The following RORA variants were observed in gnomAD, a reference collection of about 807,000 sequenced individuals.
RORA encodes nuclear receptor ROR-alpha.
RORA carries 7 observed loss-of-function variants against 69.5 expected under a neutral mutation model. That is an observed-to-expected ratio of 0.10 (90% CI 0.06 to 0.19). RORA has a LOEUF of 0.19. Among genes scored for constraint, RORA ranks in the 10% least tolerant of loss-of-function variants. RORA has a pLI of 1.00. For missense variants in RORA, 457 were observed against 663.0 expected (o/e 0.69, Z 3.41); for synonymous variants, 261 against 240.8 (o/e 1.08, Z -0.78).
At chr15:60,869,816 G>A (rs1043279587) in intron 1 of RORA, among the ~76,000 whole-genome samples, 1 of 152,170 alleles carries the variant, frequency 6.6e-6, no homozygotes, top group South Asian at 2.1e-4. Flanking sequence ...GCCCTGACAC[G>A]TTTTGCCATC....
intron 1 of RORA, among the ~76,000 whole-genome samples, chr15:60,849,586 C>T (rs759284178): frequency 9.9e-5 from 15 of 152,132 alleles, no homozygotes; most frequent in Non-Finnish European, 2.2e-4. Flanking sequence ...ATTGTTGGGG[C>T]CAAACGAGTG....
chr15:60,692,775 T>C (rs1238667291), intron 1 of RORA, among the ~76,000 whole-genome samples: 1 of 152,116 alleles, frequency 6.6e-6, no homozygotes, highest in African/African-American at 2.4e-5. Context: ...TGGAAAACTT[T>C]AAAAAGAGGT....
rs572588031 is a variant in RORA, at chr15:60,868,405, G to A, written c.167-189719C>T. 5.3e-4 allele frequency among the ~76,000 whole-genome samples: 81 copies of A among 152,236 alleles called. 1 individual carries two copies. The highest frequency in any genetic ancestry group is 2.5e-4 in the Non-Finnish European group (17 of 68,002). Reference sequence around the variant, plus strand: ...GCTCTCAAGCTCTTAGCACAGGGACGCACATTTGAAAAAAGTAGCCTTTAT... The same window carrying A: ...GCTCTCAAGCTCTTAGCACAGGGACACACATTTGAAAAAAGTAGCCTTTAT... On this transcript the variant is annotated intron_variant, in intron 1 of 10. Coordinates refer to ENST00000335670, the MANE Select transcript of RORA (RefSeq NM_134261.3).
intron 1 of RORA, among the ~76,000 whole-genome samples, chr15:60,792,394 T>G (rs1217453910): frequency 6.6e-6 from 1 of 152,164 alleles, no homozygotes; most frequent in Non-Finnish European, 1.5e-5. Flanking sequence ...AAAGTATATT[T>G]GAAGGAACGG....
In RORA at chr15:60,712,594, C is replaced by T. The variant is rs369290929; in HGVS notation, c.167-33908G>A. Among the ~76,000 whole-genome samples, 4 of 152,286 alleles carry T rather than the reference C, an allele frequency of 2.6e-5. No homozygotes were observed. The East Asian group carries it at 7.7e-4, about 29-fold the overall frequency. On this transcript the variant is annotated intron_variant, in intron 1 of 10. Coordinates refer to ENST00000335670, the MANE Select transcript of RORA (RefSeq NM_134261.3). ...CTTCTGCAGTCATCTGCGATAGGAC[C>T]CAGTGTATTGCAAGGCATTACATGA...
chr15:61,187,782 T>G (rs2079758833), intron 1 of RORA, among the ~76,000 whole-genome samples: 1 of 152,140 alleles, frequency 6.6e-6, no homozygotes, highest in Admixed American at 6.5e-5. Context: ...AGCTGCTGCG[T>G]GTCTGGTGGC....
chr15:60,643,841 T>C (rs2069988243), intron 2 of RORA, among the ~76,000 whole-genome samples: 2 of 152,070 alleles, frequency 1.3e-5, no homozygotes, highest in Admixed American at 6.6e-5. Flanking sequence ...AGGTGTGAAA[T>C]CATTTGCTGG....
At chr15:60,940,018 G>C (rs1231545120) in intron 1 of RORA, among the ~76,000 whole-genome samples, 1 of 152,160 alleles carries the variant, frequency 6.6e-6, no homozygotes, top group Non-Finnish European at 1.5e-5. Flanking sequence ...TGTCAGCTTT[G>C]AGCCTTGGCA....
chr15:61,219,768 G>A (rs1157407107), intron 1 of RORA, among the ~76,000 whole-genome samples: 4 of 152,172 alleles, frequency 2.6e-5, no homozygotes, highest in Non-Finnish European at 5.9e-5. Context: ...TAGGCTCGCT[G>A]ATTCATAAAG....
intron 1 of RORA, among the ~76,000 whole-genome samples, chr15:61,047,835 G>C (rs538809440): frequency 2.6e-5 from 4 of 152,276 alleles, no homozygotes; most frequent in African/African-American, 9.6e-5. Flanking sequence ...TTTTGCCTTG[G>C]TTTTCCCAGC....
At chr15:61,080,337 G>A (rs976322741) in intron 1 of RORA, among the ~76,000 whole-genome samples, 4 of 152,036 alleles carry the variant, frequency 2.6e-5, no homozygotes, top group Non-Finnish European at 5.9e-5. Context: ...CCTGTCACTC[G>A]CCTTTGAGAG....
rs376994401 is a variant in RORA, at chr15:60,809,137, C to T, written c.167-130451G>A. ...ACCACTAAAGAACTTACTCATGTAACCAAACGCCACTTGTTCCCCCAAAAC... is the reference window on the plus strand; with the variant it reads ...ACCACTAAAGAACTTACTCATGTAATCAAACGCCACTTGTTCCCCCAAAAC... On this transcript the variant is annotated intron_variant, in intron 1 of 10. Transcript: ENST00000335670. Among the ~76,000 whole-genome samples the T allele has an allele frequency of 9.9e-5, 15 of 151,840 alleles. 2 individuals are homozygous for T. Among genetic ancestry groups the T allele is most frequent in the Admixed American group, 9.2e-4 (14 of 15,196 alleles).
At chr15:60,727,802 A>C (rs557689523) in intron 1 of RORA, among the ~76,000 whole-genome samples, 2 of 152,300 alleles carry the variant, frequency 1.3e-5, no homozygotes, top group South Asian at 4.1e-4. Context: ...CTGGGGAGAT[A>C]GTTTCAATGG....
intron 2 of RORA, among the ~76,000 whole-genome samples, chr15:60,618,572 C>A (rs890656604): frequency 4.0e-5 from 6 of 151,748 alleles, no homozygotes; most frequent in Non-Finnish European, 7.4e-5. Flanking sequence ...TATGTGAACA[C>A]AACTTAAAAA....
At chr15:61,036,159 C>A (rs959276634) in intron 1 of RORA, among the ~76,000 whole-genome samples, 5 of 152,144 alleles carry the variant, frequency 3.3e-5, no homozygotes, top group Admixed American at 1.3e-4. Context: ...TGGTGGGGAG[C>A]CTCTCCTTGG....
chr15:60,853,422 C>T (rs766599310), intron 1 of RORA, among the ~76,000 whole-genome samples: 4 of 152,120 alleles, frequency 2.6e-5, no homozygotes, highest in Non-Finnish European at 5.9e-5. Context: ...TCTCTCTTGT[C>T]GGTTCCATGA....
chr15:60,650,481 T>C (rs556128813), intron 2 of RORA: 1 of 152,270 alleles, frequency 6.6e-6, no homozygotes, highest in South Asian at 2.1e-4. Context: ...TGGTTCACAT[T>C]GGTTTCCAAA....
chr15:61,016,688 G>T (rs1045892059), intron 1 of RORA, among the ~76,000 whole-genome samples: 1 of 152,218 alleles, frequency 6.6e-6, no homozygotes, highest in South Asian at 2.1e-4. Context: ...GAATCTGCCC[G>T]GAGGTTTCGC....
intron 2 of RORA, among the ~76,000 whole-genome samples, chr15:60,570,309 T>C (rs1189710340): frequency 6.6e-6 from 1 of 151,992 alleles, no homozygotes; most frequent in East Asian, 1.9e-4. Context: ...CCATGGACAG[T>C]ATTATTTTTG....
Sources: allele counts gnomAD v4.1 joint callset (sites outside exome capture counted in the v4.1 genomes callset), GRCh38; gene constraint gnomAD v4.1.1; transcripts MANE v1.5; gene names NCBI Gene and HGNC (gene_info 2026-07-23, HGNC 2026-07-21).